Variants in ZSWIM4 observed in about 807,000 individuals in gnomAD.
The protein encoded by ZSWIM4 is zinc finger SWIM-type containing 4, also known as zinc finger SWIM domain-containing protein 4.
In ZSWIM4, 62 loss-of-function variants were observed where a neutral mutation model predicts 102.5. That is an observed-to-expected ratio of 0.60 (90% CI 0.49 to 0.75). ZSWIM4 has a LOEUF of 0.75. Ranked by LOEUF, ZSWIM4 falls within the 30% of genes least tolerant of loss-of-function variation. The pLI is 0.00. For missense variants in ZSWIM4, 1,280 were observed against 1,529.6 expected, an observed-to-expected ratio of 0.84 and a Z score of 2.72; for synonymous variants, 652 against 674.5, an observed-to-expected ratio of 0.97 and a Z score of 0.52.
In ZSWIM4 at chr19:13,825,101, G is replaced by A. The variant is rs539773855; in HGVS notation, c.2216-449G>A. 9.3e-5 allele frequency among the ~76,000 whole-genome samples: 14 copies of A among 151,054 alleles called. No homozygotes were observed. In the South Asian group the frequency reaches 2.9e-3, roughly 32 times the overall value. On this transcript the variant is annotated intron_variant, in intron 11 of 13. Coordinates refer to ENST00000590508, the MANE Select transcript of ZSWIM4 (RefSeq NM_001367834.3). The surrounding 1 kb of genome is among the most constrained non-coding windows in gnomAD (Gnocchi z 4.6). ...ATCATCTAGGCTGGAGTGCAGTGGT[G>A]CCATCTCAGCTGACTGCAACCTCTG...
rs377760834 is a variant in ZSWIM4, at chr19:13,822,706, G to A, written c.2061-640G>A. Among the ~76,000 whole-genome samples, 35 of 152,260 alleles carry A rather than the reference G, an allele frequency of 2.3e-4. 1 individual carries two copies. The highest frequency in any genetic ancestry group is 8.4e-4 in the African/African-American group (35 of 41,544). On this transcript the variant is annotated intron_variant, in intron 10 of 13. Transcript: ENST00000590508. ...AAAAATACAAAAATTAGGGCCAGGAGCCATGGTTCACGCCTATAATCCCAG... is the reference window on the plus strand; with the variant it reads ...AAAAATACAAAAATTAGGGCCAGGAACCATGGTTCACGCCTATAATCCCAG...
Position 13,809,152 on chromosome 19 carries a change from G to A in ZSWIM4, c.944G>A (p.Arg315His), listed in dbSNP as rs780560677. ...ACCGAGCAGTTCCTGCAGGACACGC[G>A]CCTGGCCCTGTGGCGGCAGCAGGGC... ...LMTEQFLQDT[R>H]LALWRQQGAG... Residue 315 changes from arginine to histidine, a missense_variant, in exon 5 of 14, where the codon CGC becomes CAC. Arg to His is a conservative substitution (Grantham distance 29). Transcript: ENST00000590508. The surrounding 1 kb of genome is among the most constrained non-coding windows in gnomAD (Gnocchi z 4.2). 1.2e-5 allele frequency: 19 copies of A among 1,613,476 alleles called. No homozygotes were observed. The highest frequency in any genetic ancestry group is 1.5e-5 in the Non-Finnish European group (18 of 1,179,734).
At chr19:13,817,569 C>A (rs1975328005) in intron 8 of ZSWIM4, 153 bp from the exon 9 acceptor site, 1 of 1,089,250 alleles carries the variant, frequency 9.2e-7, no homozygotes, top group Non-Finnish European at 1.3e-6. Flanking sequence ...GAAGGTGGGG[C>A]TCCCGCGCTC....
chr19:13,819,353 G>T lies in ZSWIM4; in HGVS notation c.1925-4G>T. The T allele has an allele frequency of 1.2e-6, 2 of 1,613,854 alleles. No homozygotes were observed. Among genetic ancestry groups the T allele is most frequent in the Non-Finnish European group, 1.7e-6 (2 of 1,179,880 alleles). Reference sequence around the variant, plus strand: ...TGGGGACTGAGCTCAGGCTGTTCCTGCAGGGGGTCCCTTCAGTGGCTTTGG... The same window carrying T: ...TGGGGACTGAGCTCAGGCTGTTCCTTCAGGGGGTCCCTTCAGTGGCTTTGG... On this transcript the variant is annotated splice_polypyrimidine_tract_variant and splice_region_variant and intron_variant, in intron 9 of 13. Coordinates refer to ENST00000590508, the MANE Select transcript of ZSWIM4 (RefSeq NM_001367834.3).
chr19:13,800,588 T>C (rs997731380), intron 2 of ZSWIM4, among the ~76,000 whole-genome samples: 3 of 151,320 alleles, frequency 2.0e-5, no homozygotes, highest in Non-Finnish European at 4.4e-5. Flanking sequence ...TTTGTATTTT[T>C]AGTAGAGATG....
Position 13,813,003 on chromosome 19 carries a change from T to C in ZSWIM4, c.1019T>C (p.Leu340Pro). Residue 340 changes from leucine to proline, a missense_variant, in exon 6 of 14, where the codon CTG becomes CCG. Coordinates refer to ENST00000590508, the MANE Select transcript of ZSWIM4 (RefSeq NM_001367834.3). ...CRQLWDELGA[L>P]WVCVVLSPHC... Reference sequence around the variant, plus strand: ...CTGCCCCGTGCCTCCTCAGGGGCCCTGTGGGTTTGCGTCGTCCTGAGCCCC... The same window carrying C: ...CTGCCCCGTGCCTCCTCAGGGGCCCCGTGGGTTTGCGTCGTCCTGAGCCCC... The C allele has an allele frequency of 6.2e-7, 1 of 1,608,418 alleles. No homozygotes were observed. Among genetic ancestry groups the C allele is most frequent in the Non-Finnish European group, 8.5e-7 (1 of 1,176,116 alleles).
At chr19:13,798,321 G>T (rs190576051) in intron 1 of ZSWIM4, among the ~76,000 whole-genome samples, 1 of 152,028 alleles carries the variant, frequency 6.6e-6, no homozygotes, top group East Asian at 1.9e-4. Context: ...AATTCTGTGT[G>T]TGTGTGTGTA....
chr19:13,812,712 C>T (rs1459859663), intron 5 of ZSWIM4, among the ~76,000 whole-genome samples: 7 of 151,480 alleles, frequency 4.6e-5, no homozygotes, highest in African/African-American at 1.5e-4. Context: ...TCAGGTGATC[C>T]GCCTGCCTCA....
intron 2 of ZSWIM4, among the ~76,000 whole-genome samples, chr19:13,802,724 G>A (rs935297460): frequency 1.3e-5 from 2 of 152,024 alleles, no homozygotes; most frequent in Non-Finnish European, 1.5e-5. Flanking sequence ...TACCACAGGC[G>A]CAGGCCACCA....
At chr19:13,820,878 C>G (rs345626) in intron 10 of ZSWIM4, among the ~76,000 whole-genome samples, 77,469 of 150,392 alleles carry the variant, frequency 0.52, 23,309 homozygotes, top group African/African-American at 0.85. Context: ...AAAAGAACCA[C>G]TTGGAAGCTG....
In ZSWIM4 at chr19:13,809,074, G is replaced by C; in HGVS notation, c.866G>C (p.Arg289Pro). The change falls in exon 5 of 14, where the codon CGG becomes CCG. Residue 289 changes from arginine to proline, a missense_variant. Arg to Pro is a moderately radical substitution (Grantham distance 103). Transcript: ENST00000590508. The surrounding 1 kb of genome is among the most constrained non-coding windows in gnomAD (Gnocchi z 4.2). ...ACCACCCTGTCCCCGGCACAGGTGC[G>C]GGAGATGCTGCGAATGCGGGACTCC... ...QQLRSMFSKV[R>P]EMLRMRDSNG... The C allele has an allele frequency of 6.2e-7, 1 of 1,612,618 alleles. No homozygotes were observed. The highest frequency in any genetic ancestry group is 8.5e-7 in the Non-Finnish European group (1 of 1,179,054).
intron 10 of ZSWIM4, among the ~76,000 whole-genome samples, chr19:13,821,059 G>A (rs1300746798): frequency 2.6e-5 from 4 of 152,138 alleles, no homozygotes; most frequent in Non-Finnish European, 5.9e-5. Context: ...CAAGGCGGAC[G>A]GATCACCTGA....
intron 6 of ZSWIM4, 49 bp from the exon 7 acceptor site, chr19:13,814,466 T>C: frequency 9.4e-7 from 1 of 1,060,218 alleles, no homozygotes; most frequent in Non-Finnish European, 1.2e-6. Context: ...ACGGCTCAAC[T>C]GCTATAGGGA....
At chr19:13,820,339 G>A (rs766714794) in intron 10 of ZSWIM4, among the ~76,000 whole-genome samples, 1 of 151,714 alleles carries the variant, frequency 6.6e-6, no homozygotes, top group Admixed American at 6.6e-5. Context: ...AGGCTCAAGC[G>A]ATCCTCCCAT....
Position 13,795,658 on chromosome 19 carries a change from C to T in ZSWIM4, c.10C>T (p.Pro4Ser), listed in dbSNP as rs1974588994. 4 of 820,020 alleles carry T rather than the reference C, an allele frequency of 4.9e-6. No homozygotes were observed. Among genetic ancestry groups the T allele is most frequent in the Non-Finnish European group, 6.3e-6 (4 of 630,358 alleles). The allele number at this position is 820,020 out of a possible 1,614,324, so 50.8% of individuals were successfully genotyped here. A position where few individuals can be genotyped will look rare whatever the true frequency, so the allele number is the denominator to read the frequency against. MEP[P>S]AAKRSRGCPA... ...GCCCCGGCCGGGCCGGATGGAACCCCCCGCGGCCAAGCGGAGCCGGGGCTG... is the reference window on the plus strand; with the variant it reads ...GCCCCGGCCGGGCCGGATGGAACCCTCCGCGGCCAAGCGGAGCCGGGGCTG... The change falls in exon 1 of 14, where the codon CCC (proline) becomes TCC (serine). Residue 4 changes from proline to serine, a missense_variant. Pro to Ser is a moderately conservative substitution (Grantham distance 74). Coordinates refer to ENST00000590508, the MANE Select transcript of ZSWIM4 (RefSeq NM_001367834.3).
At chr19:13,819,960 A>G (rs1367953832) in intron 10 of ZSWIM4, among the ~76,000 whole-genome samples, 1 of 150,466 alleles carries the variant, frequency 6.6e-6, no homozygotes, top group Non-Finnish European at 1.5e-5. Context: ...GGTTCACACC[A>G]TTCTCCTGCC....
In ZSWIM4 at chr19:13,809,074, G is replaced by T; in HGVS notation, c.866G>T (p.Arg289Leu). 1.2e-6 allele frequency: 2 copies of T among 1,612,616 alleles called. No homozygotes were observed. Among genetic ancestry groups the T allele is most frequent in the South Asian group, 1.1e-5 (1 of 90,954 alleles). The change falls in exon 5 of 14, where the codon CGG becomes CTG. Residue 289 changes from arginine (R) to leucine (L), a missense_variant. Transcript: ENST00000590508. This position sits in a 1 kb window ranked among gnomAD's most constrained non-coding sequence, Gnocchi z 4.2. Reference protein sequence around the residue: ...QQLRSMFSKVREMLRMRDSNG... With the variant: ...QQLRSMFSKVLEMLRMRDSNG... Reference sequence around the variant, plus strand: ...ACCACCCTGTCCCCGGCACAGGTGCGGGAGATGCTGCGAATGCGGGACTCC... The same window carrying T: ...ACCACCCTGTCCCCGGCACAGGTGCTGGAGATGCTGCGAATGCGGGACTCC...
intron 5 of ZSWIM4, 67 bp from the exon 6 acceptor site, chr19:13,812,930 G>A: frequency 4.0e-6 from 6 of 1,495,812 alleles, no homozygotes; most frequent in Middle Eastern, 2.3e-4. Flanking sequence ...CACACAGTGG[G>A]CACTGCGGAA....
chr19:13,825,821 G>T lies in ZSWIM4; in HGVS notation c.2379+108G>T. 7.2e-7 allele frequency: 1 copy of T among 1,396,278 alleles called. No homozygotes were observed. Among genetic ancestry groups the T allele is most frequent in the Non-Finnish European group, 9.5e-7 (1 of 1,049,838 alleles). 86.5% of individuals were successfully genotyped at this position (1,396,278 alleles called of 1,614,324 possible). ...GCTGAGTGTGAGCCACTTCGCTGGGGGCCCGGCATTTGCGTGAGCTATTCC... is the reference window on the plus strand; with the variant it reads ...GCTGAGTGTGAGCCACTTCGCTGGGTGCCCGGCATTTGCGTGAGCTATTCC... On this transcript the variant is annotated intron_variant, in intron 12 of 13. Transcript: ENST00000590508. The surrounding 1 kb of genome is among the most constrained non-coding windows in gnomAD (Gnocchi z 4.6).
Sources: allele counts gnomAD v4.1 joint callset (sites outside exome capture counted in the v4.1 genomes callset), GRCh38; gene constraint gnomAD v4.1.1; non-coding constraint Gnocchi (gnomAD v3.1); transcripts MANE v1.5; gene names NCBI Gene and HGNC (gene_info 2026-07-23, HGNC 2026-07-21).